The following XRCC4 variants were observed in gnomAD, a reference collection of about 807,000 sequenced individuals.
XRCC4 encodes DNA repair protein XRCC4.
A neutral mutation model predicts 39.1 loss-of-function variants in XRCC4; 28 were observed. That is an observed-to-expected ratio of 0.72 (90% confidence interval 0.53 to 0.98). XRCC4 has a LOEUF of 0.98. Ranked by LOEUF, XRCC4 falls within the 50% of genes least tolerant of loss-of-function variation. The pLI, the probability that XRCC4 is intolerant of heterozygous loss-of-function variation, is 0.00. For synonymous variants in XRCC4, 123 were observed against 126.4 expected, an observed-to-expected ratio of 0.97 and a Z score of 0.18; for missense variants, 350 against 376.4, an observed-to-expected ratio of 0.93 and a Z score of 0.58.
chr5:83,270,294 AG>A (rs1292693876), intron 7 of XRCC4, among the ~76,000 whole-genome samples: 3 of 152,198 alleles, frequency 2.0e-5, no homozygotes, highest in Non-Finnish European at 2.9e-5. Context: ...GCCATGGACC[AG>A]AGGTTGGGGA....
At chr5:83,296,816 TATAA>T (rs1755111017) in intron 7 of XRCC4, among the ~76,000 whole-genome samples, 1 of 151,882 alleles carries the variant, frequency 6.6e-6, no homozygotes, top group Non-Finnish European at 1.5e-5. Context: ...AGATTAAAAT[TATAA>T]ATAGAGATTA....
chr5:83,246,808 CA>C (rs773525731), intron 6 of XRCC4, among the ~76,000 whole-genome samples: 1 of 152,022 alleles, frequency 6.6e-6, no homozygotes, highest in Non-Finnish European at 1.5e-5. Flanking sequence ...AAGATAAATG[CA>C]TTTTGCACAA....
At chr5:83,373,719 T>C in the XRCC4 span, among the ~76,000 whole-genome samples, 1 of 152,188 alleles carries the variant, frequency 6.6e-6, no homozygotes, top group South Asian at 2.1e-4. Flanking sequence ...CTCTATTTTT[T>C]TTAACAGAGA....
At chr5:83,303,727 A>G (rs1755377722) in intron 7 of XRCC4, among the ~76,000 whole-genome samples, 2 of 152,326 alleles carry the variant, frequency 1.3e-5, no homozygotes, top group Non-Finnish European at 2.9e-5. Flanking sequence ...GCAGCACCAC[A>G]TAGACTACTT....
At chr5:83,359,610 C>G in the XRCC4 span, among the ~76,000 whole-genome samples, 54 of 152,276 alleles carry the variant, frequency 3.5e-4, no homozygotes, top group Middle Eastern at 3.4e-3. Flanking sequence ...TTAGAAATCA[C>G]TGCCTCCTTT....
At chr5:83,367,541 C>G in the XRCC4 span, among the ~76,000 whole-genome samples, 1 of 152,136 alleles carries the variant, frequency 6.6e-6, no homozygotes, top group African/African-American at 2.4e-5. Context: ...CCTGAAAGAG[C>G]TTCCTCAGGC....
the XRCC4 span, among the ~76,000 whole-genome samples, chr5:83,371,083 C>T: frequency 6.6e-6 from 1 of 152,142 alleles, no homozygotes; most frequent in African/African-American, 2.4e-5. Context: ...ACTAATCCAC[C>T]TCAGCTCTTG....
the XRCC4 span, among the ~76,000 whole-genome samples, chr5:83,363,959 C>A: frequency 6.6e-6 from 1 of 152,160 alleles, no homozygotes; most frequent in African/African-American, 2.4e-5. Flanking sequence ...GTTCACATTT[C>A]TTTCTTAAGG....
chr5:83,211,910 T>C (rs1044855973), intron 6 of XRCC4, among the ~76,000 whole-genome samples: 11 of 152,118 alleles, frequency 7.2e-5, no homozygotes, highest in African/African-American at 2.7e-4. Context: ...GTTGTTACAA[T>C]ATATTATTTA....
At chr5:83,354,650 C>A (rs1757169496), downstream of XRCC4, among the ~76,000 whole-genome samples, 1 of 152,000 alleles carries the variant, frequency 6.6e-6, no homozygotes, top group Non-Finnish European at 1.5e-5. Context: ...TTTAGCATAT[C>A]CAAAGCAGAA....
intron 7 of XRCC4, among the ~76,000 whole-genome samples, chr5:83,282,911 A>G (rs1214258966): frequency 6.6e-6 from 1 of 152,148 alleles, no homozygotes; most frequent in African/African-American, 2.4e-5. Flanking sequence ...AACTTATACG[A>G]CAATATATAT....
At chr5:83,078,344 A>G (rs6864054) in intron 1 of XRCC4, among the ~76,000 whole-genome samples, 9,468 of 152,336 alleles carry the variant, frequency 0.062, 338 homozygotes, top group South Asian at 0.17. Context: ...AGTATTAGAA[A>G]TGAGAGTTTT....
At chr5:83,342,452 C>A (rs1756790480) in intron 7 of XRCC4, among the ~76,000 whole-genome samples, 1 of 152,122 alleles carries the variant, frequency 6.6e-6, no homozygotes, top group Non-Finnish European at 1.5e-5. Context: ...TGTATTCACT[C>A]TTTATTATTC....
At chr5:83,146,949 G>T (rs1748483355) in intron 3 of XRCC4, among the ~76,000 whole-genome samples, 2 of 152,180 alleles carry the variant, frequency 1.3e-5, no homozygotes, top group South Asian at 4.1e-4. Context: ...AAAGATATTT[G>T]CTGGAAGAGA....
intron 7 of XRCC4, among the ~76,000 whole-genome samples, chr5:83,282,221 C>G (rs1015063522): frequency 6.6e-6 from 1 of 152,014 alleles, no homozygotes; most frequent in Non-Finnish European, 1.5e-5. Flanking sequence ...ACAATGAGTG[C>G]CTTAAAACCG....
At chr5:83,295,157 T>C (rs1377920663) in intron 7 of XRCC4, among the ~76,000 whole-genome samples, 1 of 152,074 alleles carries the variant, frequency 6.6e-6, no homozygotes, top group Non-Finnish European at 1.5e-5. Flanking sequence ...ATGTGCATCA[T>C]GAACTCTCAA....
At chr5:83,126,750 G>A (rs750889841) in intron 3 of XRCC4, among the ~76,000 whole-genome samples, 1 of 152,204 alleles carries the variant, frequency 6.6e-6, no homozygotes, top group Non-Finnish European at 1.5e-5. Flanking sequence ...ATGTGTGAGA[G>A]CTGTAATGTG....
At position 83,091,996 on chromosome 5, in the gene XRCC4, C is replaced by A. The variant is rs1289374454; in HGVS notation, c.-10-12914C>A. On this transcript the variant is annotated intron_variant, in intron 1 of 7. Coordinates refer to ENST00000396027, the MANE Select transcript of XRCC4 (RefSeq NM_003401.5). ...TCCTACCAACAGGATACAAAGGTTC[C>A]CTTTTTCTCCACCTTCTTGCAAGTG... Among the ~76,000 whole-genome samples the A allele has an allele frequency of 5.9e-5, 9 of 152,128 alleles. 1 individual carries two copies.
At chr5:83,351,548 A>C in intron 7 of XRCC4, among the ~76,000 whole-genome samples, 3 of 152,336 alleles carry the variant, frequency 2.0e-5, no homozygotes, top group Admixed American at 2.0e-4. Flanking sequence ...TTATACTTTT[A>C]TCCCATACTA....
Sources: allele counts gnomAD v4.1 joint callset (sites outside exome capture counted in the v4.1 genomes callset), GRCh38; gene constraint gnomAD v4.1.1; transcripts MANE v1.5; gene names NCBI Gene and HGNC (gene_info 2026-07-23, HGNC 2026-07-21).